DOCK1: variants seen among roughly 807,000 people sequenced by gnomAD.
DOCK1 encodes dedicator of cytokinesis protein 1.
A neutral mutation model predicts 262.7 loss-of-function variants in DOCK1; 138 were observed. The ratio of observed to expected loss-of-function variants is 0.53; its 90% confidence interval spans 0.46 to 0.61. The LOEUF is 0.61. Among genes scored for constraint, DOCK1 ranks in the 20% least tolerant of loss-of-function variants. The pLI is 0.00. For missense variants in DOCK1, 1,908 were observed against 2,370.7 expected (o/e 0.80, Z 4.05); for synonymous variants, 866 against 867.4 (o/e 1.00, Z 0.03).
At chr10:127,402,768 C>T (rs1224032389) in intron 38 of DOCK1, 1 of 574,816 alleles carries the variant, frequency 1.7e-6, no homozygotes, top group Non-Finnish European at 3.4e-6. Flanking sequence ...AGCAGGAGAG[C>T]AAAGACAGGA....
intron 47 of DOCK1, among the ~76,000 whole-genome samples, chr10:127,428,812 CGTGTGG>C (rs2069024648): frequency 8.8e-6 from 1 of 113,228 alleles, no homozygotes; most frequent in Non-Finnish European, 1.8e-5. Flanking sequence ...ATTGGGGTGC[CGTGTGG>C]ATTGGGGTAC....
intron 29 of DOCK1, among the ~76,000 whole-genome samples, chr10:127,260,912 CGTGTGTGCATGTGG>C (rs1202591276): frequency 6.3e-5 from 4 of 63,928 alleles, no homozygotes; most frequent in Non-Finnish European, 2.9e-5. Context: ...TGTACCTGCA[CGTGTGTGCATGTGG>C]GTGTGTGTGT....
chr10:127,430,857 G>A (rs375773242), intron 47 of DOCK1, among the ~76,000 whole-genome samples: 2 of 152,186 alleles, frequency 1.3e-5, no homozygotes, highest in Admixed American at 6.5e-5. Context: ...AAGGTGGGAC[G>A]TTACAGCTCA....
intron 27 of DOCK1, among the ~76,000 whole-genome samples, chr10:127,217,950 T>C (rs2058283110): frequency 6.6e-6 from 1 of 152,184 alleles, no homozygotes; most frequent in Admixed American, 6.5e-5. Flanking sequence ...AAGGAGTCCT[T>C]TCCCCATTGC....
At chr10:126,952,876 A>AGTG (rs2036414965) in intron 1 of DOCK1, among the ~76,000 whole-genome samples, 1 of 3,686 alleles carries the variant, frequency 2.7e-4, no homozygotes, top group Admixed American at 3.9e-3. Flanking sequence ...TAGTATTGTT[A>AGTG]TTGTTGGTAG....
intron 27 of DOCK1, among the ~76,000 whole-genome samples, chr10:127,238,431 C>G (rs1308525192): frequency 1.3e-5 from 2 of 152,152 alleles, no homozygotes; most frequent in Admixed American, 1.3e-4. Flanking sequence ...ATTGAGGAGC[C>G]TCCTCTGGAC....
chr10:127,050,442 G>T (rs1448847402), intron 21 of DOCK1, among the ~76,000 whole-genome samples: 1 of 152,030 alleles, frequency 6.6e-6, no homozygotes, highest in Non-Finnish European at 1.5e-5. Context: ...GCTGGGTGCA[G>T]TGGCTCACAC....
chr10:126,989,573 C>T (rs1342876922), intron 5 of DOCK1, among the ~76,000 whole-genome samples: 4 of 152,138 alleles, frequency 2.6e-5, no homozygotes, highest in East Asian at 1.9e-4. Context: ...GCAATCCTCC[C>T]GCCTCTGCTT....
At chr10:127,234,508 A>G (rs7917736) in intron 27 of DOCK1, among the ~76,000 whole-genome samples, 50,668 of 152,014 alleles carry the variant, frequency 0.33, 8,956 homozygotes, top group East Asian at 0.47. Context: ...AATGGCATAA[A>G]AATAGACTTG....
At chr10:126,962,419 A>G (rs1327886504) in intron 1 of DOCK1, among the ~76,000 whole-genome samples, 4 of 152,172 alleles carry the variant, frequency 2.6e-5, no homozygotes, top group Non-Finnish European at 4.4e-5. Flanking sequence ...TTGGCCTCCC[A>G]AAGTGCTGGG....
At chr10:127,028,964 C>T (rs1361206256) in intron 16 of DOCK1, among the ~76,000 whole-genome samples, 13 of 152,230 alleles carry the variant, frequency 8.5e-5, no homozygotes, top group African/African-American at 3.1e-4. Context: ...CTGGAATCCA[C>T]AGAGGACTCG....
At chr10:126,945,823 T>A (rs958220120) in intron 1 of DOCK1, among the ~76,000 whole-genome samples, 18 of 152,238 alleles carry the variant, frequency 1.2e-4, no homozygotes, top group Non-Finnish European at 2.4e-4. Context: ...ACTTTGCTGA[T>A]GCAGGCAGTT....
At chr10:127,084,807 G>T (rs1215136382) in intron 23 of DOCK1, among the ~76,000 whole-genome samples, 1 of 152,152 alleles carries the variant, frequency 6.6e-6, no homozygotes, top group Non-Finnish European at 1.5e-5. Flanking sequence ...GGTGGGGATT[G>T]GTTGATGGGC....
At chr10:127,314,245 A>G (rs899481639) in intron 29 of DOCK1, among the ~76,000 whole-genome samples, 1 of 152,196 alleles carries the variant, frequency 6.6e-6, no homozygotes, top group Non-Finnish European at 1.5e-5. Flanking sequence ...TTTAGCTTCA[A>G]GTTTAGCACT....
rs751349226 is a variant in DOCK1 at position 127,127,744 on chromosome 10, G to A, written c.2827G>A (p.Gly943Arg). The A allele has an allele frequency of 1.2e-6, 2 of 1,612,970 alleles. No homozygotes were observed. The highest frequency in any genetic ancestry group is 1.1e-5 in the South Asian group (1 of 90,988). Reference sequence around the variant, plus strand: ...CGTGAACCGAACCGTCATTTCCATGGGACGAGATTCTGAACTCATTGTAAG... The same window carrying A: ...CGTGAACCGAACCGTCATTTCCATGAGACGAGATTCTGAACTCATTGTAAG... Reference protein sequence around the residue: ...RTVNRTVISMGRDSELIGNFV... With the variant: ...RTVNRTVISMRRDSELIGNFV... The change falls in exon 27 of 52, where the codon GGA becomes AGA. Residue 943 changes from glycine (G) to arginine (R), a missense_variant. Physicochemically the swap from Gly to Arg is moderately radical, Grantham distance 125. This residue lies in a region of DOCK1 where 518 missense variants were observed against 575.1 expected (regional missense o/e 0.90). Coordinates refer to ENST00000623213, the MANE Select transcript of DOCK1 (RefSeq NM_001290223.2).
Position 126,939,592 on chromosome 10 carries a change from C to T in DOCK1, c.47-31110C>T, listed in dbSNP as rs2034835994. 3.3e-5 allele frequency among the ~76,000 whole-genome samples: 5 copies of T among 152,214 alleles called. No individual in the cohort carries two copies. The South Asian group carries it at 1.0e-3, about 32-fold the overall frequency. On this transcript the variant is annotated intron_variant, in intron 1 of 51. Transcript: ENST00000623213. ...GCAGCTTGATTTAGTAATCACTCACCTCAGGTGATCCTCCTGCCTCGGCCT... is the reference window on the plus strand; with the variant it reads ...GCAGCTTGATTTAGTAATCACTCACTTCAGGTGATCCTCCTGCCTCGGCCT...
chr10:127,362,931 A>G (rs1220714015), intron 33 of DOCK1, among the ~76,000 whole-genome samples: 12 of 67,662 alleles, frequency 1.8e-4, no homozygotes, highest in Non-Finnish European at 3.1e-4. Flanking sequence ...ATACACATGC[A>G]CATCCCCCCA....
At chr10:127,395,010 G>A (rs1245660239) in intron 38 of DOCK1, among the ~76,000 whole-genome samples, 1 of 152,182 alleles carries the variant, frequency 6.6e-6, no homozygotes, top group African/African-American at 2.4e-5. Context: ...TTCTTGAAGA[G>A]TAAAATTAAG....
chr10:127,352,211 TGGGGAGCATC>T lies in DOCK1; in HGVS notation c.3225-2451_3225-2442del, dbSNP rs1379837722. 4.4e-4 allele frequency among the ~76,000 whole-genome samples: 18 copies of T among 40,900 alleles called. No homozygotes were observed. In the Admixed American group the frequency reaches 5.2e-3, roughly 12 times the overall value. 26.8% of individuals were successfully genotyped at this position (40,900 alleles called of 152,430 possible). A position where few individuals can be genotyped will look rare whatever the true frequency, so the allele number is the denominator to read the frequency against. ...GGGGAGGAGCAGCATCCGGGAGAGGTGGGGAGCATCGGGGAGGGGTGGGGAGGGGTGGGGA... is the reference window on the plus strand; with the variant it reads ...GGGGAGGAGCAGCATCCGGGAGAGGTGGGGAGGGGTGGGGAGGGGTGGGGA... On this transcript the variant is annotated intron_variant, in intron 31 of 51. Coordinates refer to ENST00000623213, the MANE Select transcript of DOCK1 (RefSeq NM_001290223.2).
Sources: allele counts gnomAD v4.1 joint callset (sites outside exome capture counted in the v4.1 genomes callset), GRCh38; gene constraint gnomAD v4.1.1; regional missense constraint gnomAD v4.1.1; transcripts MANE v1.5; gene names NCBI Gene and HGNC (gene_info 2026-07-23, HGNC 2026-07-21).